Variants in DCLK2 observed in about 807,000 individuals in gnomAD.
DCLK2 encodes the protein doublecortin like kinase 2.
Under a neutral mutation model 78.4 loss-of-function variants are expected in DCLK2, and 31 were observed. The observed-to-expected ratio is 0.40, with a 90% confidence interval of 0.30 to 0.53. The LOEUF (loss-of-function observed/expected upper bound fraction) is 0.53, where lower values mean the gene tolerates loss of function less well. DCLK2 is among the 20% of genes least tolerant of loss of function. The pLI, the probability that DCLK2 is intolerant of heterozygous loss-of-function variation, is 0.61. For synonymous variants in DCLK2, 407 were observed against 374.9 expected (o/e 1.09, Z -0.99); for missense variants, 872 against 973.7 (o/e 0.90, Z 1.39).
At chr4:150,245,734 A>T (rs984914437) in intron 12 of DCLK2, among the ~76,000 whole-genome samples, 1 of 152,192 alleles carries the variant, frequency 6.6e-6, no homozygotes, top group African/African-American at 2.4e-5. Flanking sequence ...TCCATGGTGT[A>T]TATGTGCCAC....
chr4:150,231,243 A>G (rs1327576169), intron 8 of DCLK2, among the ~76,000 whole-genome samples: 2 of 152,218 alleles, frequency 1.3e-5, no homozygotes, highest in Non-Finnish European at 2.9e-5. Context: ...ACTAACAAAC[A>G]GTGACTAGAT....
chr4:150,159,540 G>A (rs1485411094), intron 2 of DCLK2, among the ~76,000 whole-genome samples: 2 of 152,198 alleles, frequency 1.3e-5, no homozygotes, highest in African/African-American at 4.8e-5. Flanking sequence ...ATGTGGTGGG[G>A]GTGTAGTGAA....
At chr4:150,090,001 A>AT (rs1454480734) in intron 1 of DCLK2, among the ~76,000 whole-genome samples, 1 of 152,150 alleles carries the variant, frequency 6.6e-6, no homozygotes, top group Non-Finnish European at 1.5e-5. Context: ...TTCCTTGTTG[A>AT]TTCCTGGCAT....
At chr4:150,106,564 C>A (rs28360726) in intron 2 of DCLK2, among the ~76,000 whole-genome samples, 21,989 of 152,174 alleles carry the variant, frequency 0.14, 1,981 homozygotes, top group Non-Finnish European at 0.21. Flanking sequence ...GCTTCCTACC[C>A]AGATTGGTTG....
intron 6 of DCLK2, 76 bp downstream of exon 6, chr4:150,220,854 G>T (rs1291888532): frequency 8.4e-7 from 1 of 1,187,310 alleles, no homozygotes; most frequent in Non-Finnish European, 1.2e-6. Flanking sequence ...AAACTCACTT[G>T]TGCTAAATTA....
intron 2 of DCLK2, among the ~76,000 whole-genome samples, chr4:150,138,964 C>T (rs1014250529): frequency 6.6e-6 from 1 of 150,852 alleles, no homozygotes; most frequent in Non-Finnish European, 1.5e-5. Context: ...GCGCCTGGCC[C>T]ATTTTTCAAA....
At chr4:150,126,803 A>AT (rs1296194895) in intron 2 of DCLK2, among the ~76,000 whole-genome samples, 1 of 152,144 alleles carries the variant, frequency 6.6e-6, no homozygotes, top group Non-Finnish European at 1.5e-5. Flanking sequence ...CCTTATTTGA[A>AT]TTTTGCCAGT....
chr4:150,246,675 C>G (rs1743339027), intron 12 of DCLK2, among the ~76,000 whole-genome samples: 1 of 143,864 alleles, frequency 7.0e-6, no homozygotes, highest in African/African-American at 2.6e-5. Context: ...ATGCACCCAC[C>G]AAGTGAGGGG....
rs2126657951 is a variant in DCLK2 at position 150,256,122 on chromosome 4, G to C, written c.2176G>C (p.Glu726Gln). The C allele has an allele frequency of 6.2e-7, 1 of 1,612,450 alleles. No homozygotes were observed. The highest frequency in any genetic ancestry group is 1.7e-4 in the Middle Eastern group (1 of 5,984). ...CATCTCTCCAGTTCCTCCCTCAGTG[G>C]AGGAGATCCCTGTGCCTGGGGAAGC... ...EPISPVPPSVEEIPVPGEAVP... is the reference protein window; with the variant it reads ...EPISPVPPSVQEIPVPGEAVP... The change falls in exon 16 of 16, where the codon GAG becomes CAG. Residue 726 changes from glutamate (E) to glutamine (Q), a missense_variant. Transcript: ENST00000296550.
chr4:150,088,355 A>G (rs372893964), intron 1 of DCLK2, among the ~76,000 whole-genome samples: 2 of 151,226 alleles, frequency 1.3e-5, no homozygotes, highest in African/African-American at 4.9e-5. Context: ...GCAGAGTCCT[A>G]GCATGCAGTG....
intron 15 of DCLK2, among the ~76,000 whole-genome samples, chr4:150,254,170 C>T (rs957076204): frequency 2.0e-5 from 3 of 152,146 alleles, no homozygotes; most frequent in Non-Finnish European, 4.4e-5. Context: ...AAGGGAATGC[C>T]GAGAAGCCGC....
At chr4:150,238,003 T>A (rs1440826455) in intron 10 of DCLK2, among the ~76,000 whole-genome samples, 1 of 152,250 alleles carries the variant, frequency 6.6e-6, no homozygotes, top group African/African-American at 2.4e-5. Flanking sequence ...CGCACTTGTT[T>A]GCTTCCAAAA....
At chr4:150,200,509 C>T (rs977610724) in intron 4 of DCLK2, among the ~76,000 whole-genome samples, 1 of 152,092 alleles carries the variant, frequency 6.6e-6, no homozygotes, top group Non-Finnish European at 1.5e-5. Flanking sequence ...TGCTATATAG[C>T]GTGTTCTTTC....
intron 2 of DCLK2, among the ~76,000 whole-genome samples, chr4:150,129,236 A>T (rs1202720717): frequency 6.6e-6 from 1 of 152,162 alleles, no homozygotes; most frequent in Non-Finnish European, 1.5e-5. Context: ...ACAAAAGAAA[A>T]TAATACTTTT....
chr4:150,213,608 T>TAA (rs1017113042), intron 5 of DCLK2, among the ~76,000 whole-genome samples: 1 of 151,584 alleles, frequency 6.6e-6, no homozygotes, highest in African/African-American at 2.4e-5. Flanking sequence ...TATTTTTTTT[T>TAA]AAAAAAAAAT....
At chr4:150,248,507 C>G (rs1382984741) in intron 14 of DCLK2, 122 bp downstream of exon 14, 10 of 798,834 alleles carry the variant, frequency 1.3e-5, no homozygotes, top group South Asian at 8.2e-5. Flanking sequence ...AGATGTCTGT[C>G]TGTCCCATTG....
At chr4:150,180,536 C>T (rs1369637516) in intron 2 of DCLK2, among the ~76,000 whole-genome samples, 1 of 152,186 alleles carries the variant, frequency 6.6e-6, no homozygotes, top group Non-Finnish European at 1.5e-5. Flanking sequence ...ACACGTTCCA[C>T]TCTAGCTTCT....
chr4:150,159,882 A>G (rs971434085), intron 2 of DCLK2, among the ~76,000 whole-genome samples: 2 of 152,176 alleles, frequency 1.3e-5, no homozygotes. Flanking sequence ...GTGACTTAGG[A>G]ATGAGGGAAA....
At chr4:150,203,752 G>A in intron 4 of DCLK2, 43 bp from the exon 5 acceptor site, 1 of 1,508,526 alleles carries the variant, frequency 6.6e-7, no homozygotes, top group Admixed American at 1.7e-5. Context: ...GGTTGTTGTG[G>A]GTTTTAATGG....
Sources: allele counts gnomAD v4.1 joint callset (sites outside exome capture counted in the v4.1 genomes callset), GRCh38; gene constraint gnomAD v4.1.1; transcripts MANE v1.5; gene names NCBI Gene and HGNC (gene_info 2026-07-23, HGNC 2026-07-21).